PSME4: variants seen among roughly 807,000 people sequenced by gnomAD.
PSME4 encodes proteasome activator complex subunit 4.
PSME4 carries 89 observed loss-of-function variants against 253.9 expected under a neutral mutation model. The ratio of observed to expected loss-of-function variants is 0.35; its 90% CI spans 0.30 to 0.42. The LOEUF (loss-of-function observed/expected upper bound fraction) is 0.42. Among genes scored for constraint, PSME4 ranks in the 10% least tolerant of loss-of-function variants. PSME4 has a pLI of 1.00. For missense variants in PSME4, 2,014 were observed against 2,195.2 expected, an observed-to-expected ratio of 0.92 and a Z score of 1.65; for synonymous variants, 851 against 759.2, an observed-to-expected ratio of 1.12 and a Z score of -1.99.
chr2:53,870,304 C>T (rs1027421204), intron 43 of PSME4: 4 of 151,756 alleles, frequency 2.6e-5, no homozygotes, highest in Non-Finnish European at 5.9e-5. Flanking sequence ...ATATGAAATA[C>T]ATCATAAAAT....
chr2:53,911,698 T>A (rs1029779056), intron 20 of PSME4, among the ~76,000 whole-genome samples: 2 of 152,128 alleles, frequency 1.3e-5, no homozygotes, highest in African/African-American at 4.8e-5. Context: ...AGTAGAAATA[T>A]ACAGTCTGCA....
At position 53,950,653 on chromosome 2, in the gene PSME4, C is replaced by T. The variant is rs1031969875; in HGVS notation, c.243-1370G>A. Among the ~76,000 whole-genome samples, 23 of 151,960 alleles carry T rather than the reference C, an allele frequency of 1.5e-4. No individual in the cohort carries two copies. In the East Asian group the frequency reaches 4.3e-3, roughly 28 times the overall value. ...GGTCAGGAGTTTGAGACCAGCCTGA[C>T]CAACATGGAGAAACCCCGTCTCTAC... On this transcript the variant is annotated intron_variant, in intron 1 of 46. Coordinates refer to ENST00000404125, the MANE Select transcript of PSME4 (RefSeq NM_014614.3).
intron 39 of PSME4, 116 bp downstream of exon 39, chr2:53,887,742 G>C (rs1384489771): frequency 1.6e-6 from 2 of 1,273,030 alleles, no homozygotes; most frequent in Non-Finnish European, 2.1e-6. Flanking sequence ...AACAATTTGA[G>C]AAAGACACCA....
At chr2:53,906,564 G>A in intron 26 of PSME4, 34 bp downstream of exon 26, 2 of 1,492,240 alleles carry the variant, frequency 1.3e-6, no homozygotes, top group South Asian at 1.5e-5. Context: ...TAAAATGGGA[G>A]GGCATGAGAG....
At chr2:53,958,476 C>A in intron 1 of PSME4, among the ~76,000 whole-genome samples, 1 of 152,064 alleles carries the variant, frequency 6.6e-6, no homozygotes, top group South Asian at 2.1e-4. Flanking sequence ...CAGTGTAAAT[C>A]AGAAAATACT....
intron 1 of PSME4, among the ~76,000 whole-genome samples, chr2:53,968,846 A>T (rs1043492861): frequency 6.6e-6 from 1 of 152,250 alleles, no homozygotes; most frequent in Non-Finnish European, 1.5e-5. Flanking sequence ...TCGGAGTGCT[A>T]ATTTACCAAA....
At position 53,919,177 on chromosome 2, in the gene PSME4, C is replaced by A; in HGVS notation, c.2490G>T (p.Pro830=). 6.2e-7 allele frequency: 1 copy of A among 1,611,584 alleles called. No homozygotes were observed. Among genetic ancestry groups the A allele is most frequent in the Non-Finnish European group, 8.5e-7 (1 of 1,179,070 alleles). The change falls in exon 20 of 47, where the codon CCG becomes CCT. Residue 830 remains proline (P), a synonymous_variant. Transcript: ENST00000404125. ...AGTTAGTAACTGGCTCTCCTTTCAA[C>A]GGAGGTAGGAGGTTTCCAGAGCCAA... The part of the protein sequence containing the change: ...CLIGSGNLLP[P]LKGEPVTNLV...
intron 4 of PSME4, among the ~76,000 whole-genome samples, chr2:53,937,868 C>G (rs1163670148): frequency 6.6e-6 from 1 of 151,988 alleles, no homozygotes; most frequent in East Asian, 1.9e-4. Flanking sequence ...CGGCGCACAT[C>G]TGTAGTCCCA....
chr2:53,908,630 C>T (rs575678926), intron 22 of PSME4, 65 bp from the exon 23 acceptor site: 3 of 1,513,190 alleles, frequency 2.0e-6, no homozygotes, highest in South Asian at 2.5e-5. Flanking sequence ...AATCTTGAGG[C>T]ATTAGTCAAG....
At chr2:53,916,503 T>C (rs749946530) in intron 20 of PSME4, among the ~76,000 whole-genome samples, 2 of 152,200 alleles carry the variant, frequency 1.3e-5, no homozygotes, top group Non-Finnish European at 2.9e-5. Flanking sequence ...TCTCTACTAG[T>C]TTCAAATTGA....
At position 53,925,547 on chromosome 2, in the gene PSME4, T is replaced by C. The variant is rs1239369268; in HGVS notation, c.1801A>G (p.Ile601Val). ...STILTQCSKE[I>V]FMVALQKVFN... is the part of the protein sequence containing the mutation. The stretch of plus-strand genomic sequence containing the variant: ...TGCAGCAATGTTCTTACCATAAATA[T>C]TTCTTTGGAACATTGGGTGAGGATT... The change falls in exon 14 of 47, where the codon ATA (isoleucine) becomes GTA (valine). Residue 601 changes from isoleucine to valine, a missense_variant. This residue lies in a region of PSME4 where 989 missense variants were observed against 1,021.1 expected (regional missense o/e 0.97). Transcript: ENST00000404125. 1 of 1,548,312 alleles carries C rather than the reference T, an allele frequency of 6.5e-7. No individual in the cohort carries two copies. Among genetic ancestry groups the C allele is most frequent in the Non-Finnish European group, 8.8e-7 (1 of 1,136,650 alleles).
intron 41 of PSME4, among the ~76,000 whole-genome samples, chr2:53,876,042 T>C (rs916637127): frequency 3.3e-5 from 5 of 152,204 alleles, no homozygotes; most frequent in Admixed American, 3.3e-4. Context: ...TATTATGTTA[T>C]TTCTAAAAGG....
chr2:53,898,215 A>G, intron 30 of PSME4, 86 bp downstream of exon 30: 2 of 1,303,792 alleles, frequency 1.5e-6, no homozygotes, highest in Non-Finnish European at 2.1e-6. Context: ...TTTTTGTGAC[A>G]TAGTCATTCA....
At chr2:53,909,960 ACT>A (rs1667756319) in intron 21 of PSME4, 113 bp downstream of exon 21, 6 of 917,124 alleles carry the variant, frequency 6.5e-6, no homozygotes, top group African/African-American at 3.3e-5. Context: ...ACAGAGTGAG[ACT>A]CTGTCTCAAA....
chr2:53,901,969 A>G (rs1194980836), intron 27 of PSME4, among the ~76,000 whole-genome samples: 3 of 152,182 alleles, frequency 2.0e-5, no homozygotes, highest in Non-Finnish European at 4.4e-5. Flanking sequence ...CAGGAGGCTG[A>G]GGTGGGAGGA....
rs1330316411 is a variant in PSME4 at position 53,866,934 on chromosome 2, TG to T, written c.5264-55del. ...AATATATATATGTCTCTAATGCACT[TG>T]TTACAGTGAGATAAAATTAGTTTTC... On this transcript the variant is annotated intron_variant, in intron 44 of 46. Transcript: ENST00000404125. 2.0e-6 allele frequency: 3 copies of T among 1,502,990 alleles called. No homozygotes were observed. The African/African-American group carries it at 4.2e-5, about 21-fold the overall frequency. The allele number at this position is 1,502,990 out of a possible 1,614,324, so 93.1% of individuals were successfully genotyped here.
Position 53,928,319 on chromosome 2 carries a change from A to G in PSME4, c.1317-16T>C. 1 of 1,603,854 alleles carries G rather than the reference A, an allele frequency of 6.2e-7. No individual in the cohort carries two copies. Among genetic ancestry groups the G allele is most frequent in the Admixed American group, 1.7e-5 (1 of 59,700 alleles). ...AGGATATGTTCTACAGTTTGAAAAC[A>G]GAATTTTTAAAGTCTCCATCACAGA... On this transcript the variant is annotated splice_polypyrimidine_tract_variant and intron_variant, in intron 10 of 46. Coordinates refer to ENST00000404125, the MANE Select transcript of PSME4 (RefSeq NM_014614.3).
chr2:53,922,611 G>T, intron 16 of PSME4, 27 bp from the exon 17 acceptor site: 1 of 1,600,776 alleles, frequency 6.2e-7, no homozygotes, highest in Non-Finnish European at 8.5e-7. Flanking sequence ...ACTATTAGGG[G>T]GAAAAACCTA....
In PSME4 at chr2:53,892,875, G is replaced by T; in HGVS notation, c.4124C>A (p.Thr1375Asn). 6.2e-7 allele frequency: 1 copy of T among 1,613,778 alleles called. No individual in the cohort carries two copies. Among genetic ancestry groups the T allele is most frequent in the Non-Finnish European group, 8.5e-7 (1 of 1,179,846 alleles). Residue 1375 changes from threonine (T) to asparagine (N), a missense_variant, in exon 36 of 47, where the codon ACC becomes AAC. Thr to Asn is a moderately conservative substitution (Grantham distance 65, BLOSUM62 0). This residue lies in a region of PSME4 where 403 missense variants were observed against 556.1 expected (regional missense o/e 0.72). Transcript: ENST00000404125. ...EHLVADSHESTQRCVAEIIAG... is the reference protein window; with the variant it reads ...EHLVADSHESNQRCVAEIIAG... ...TATAATTTCTGCAACACATCGCTGG[G>T]TGCTTTCATGTGAATCTGCAACCAA...
Sources: gnomAD v4.1 joint callset for allele counts (sites outside exome capture counted in the v4.1 genomes callset) on GRCh38, gnomAD v4.1.1 for gene constraint, gnomAD v4.1.1 regional missense constraint, MANE v1.5 for transcripts, NCBI Gene and HGNC (gene_info 2026-07-23, HGNC 2026-07-21) for gene names.